The following SMYD3 variants were observed in gnomAD, a reference collection of about 807,000 sequenced individuals.
SMYD3 encodes histone-lysine N-methyltransferase SMYD3.
SMYD3 carries 36 observed loss-of-function variants against 57.7 expected under a neutral mutation model. That is an observed-to-expected ratio of 0.62 (90% CI 0.48 to 0.82). The LOEUF is 0.82. Among genes scored for constraint, SMYD3 ranks in the 40% least tolerant of loss-of-function variants. SMYD3 has a pLI of 0.00. For synonymous variants in SMYD3, 211 were observed against 195.0 expected (o/e 1.08, Z -0.68); for missense variants, 515 against 538.8 (o/e 0.96, Z 0.44).
chr1:245,782,721 T>C (rs1296098126), intron 10 of SMYD3, among the ~76,000 whole-genome samples: 2 of 152,204 alleles, frequency 1.3e-5, no homozygotes, highest in Non-Finnish European at 2.9e-5. Flanking sequence ...AATTTTTAAA[T>C]ACCTATTAAG....
chr1:245,760,320 T>G (rs773339397), intron 11 of SMYD3, among the ~76,000 whole-genome samples: 4 of 152,222 alleles, frequency 2.6e-5, no homozygotes, highest in Non-Finnish European at 5.9e-5. Flanking sequence ...CGTCTGAAGA[T>G]GACATCAGTT....
intron 5 of SMYD3, among the ~76,000 whole-genome samples, chr1:246,240,747 T>C (rs1166025285): frequency 1.3e-5 from 2 of 152,242 alleles, no homozygotes; most frequent in Non-Finnish European, 2.9e-5. Flanking sequence ...TCCACTTGTT[T>C]GTGTCCTCTT....
intron 1 of SMYD3, among the ~76,000 whole-genome samples, chr1:246,412,865 A>AG (rs2067000079): frequency 6.6e-6 from 1 of 152,000 alleles, no homozygotes; most frequent in Non-Finnish European, 1.5e-5. Flanking sequence ...TCTCAAAAAA[A>AG]AAAAAAAAAA....
intron 5 of SMYD3, among the ~76,000 whole-genome samples, chr1:246,098,846 T>A (rs1205343096): frequency 6.6e-6 from 1 of 152,190 alleles, no homozygotes; most frequent in Non-Finnish European, 1.5e-5. Flanking sequence ...ACATTTGTAA[T>A]CCTTTCAGGC....
intron 5 of SMYD3, among the ~76,000 whole-genome samples, chr1:246,219,223 T>C (rs6426284): frequency 0.27 from 40,256 of 151,796 alleles, 6,068 homozygotes; most frequent in East Asian, 0.58. Context: ...CAAAACCACC[T>C]GTGGCCCTAT....
At chr1:246,027,321 T>C (rs1206685942) in intron 5 of SMYD3, among the ~76,000 whole-genome samples, 2 of 152,220 alleles carry the variant, frequency 1.3e-5, no homozygotes, top group Admixed American at 1.3e-4. Flanking sequence ...ACTTTCAGTG[T>C]AGATGAAACC....
intron 5 of SMYD3, among the ~76,000 whole-genome samples, chr1:246,174,365 T>C (rs1308642927): frequency 2.6e-5 from 4 of 152,216 alleles, no homozygotes; most frequent in Non-Finnish European, 5.9e-5. Context: ...TATTATAATA[T>C]TATGGGACCA....
intron 5 of SMYD3, among the ~76,000 whole-genome samples, chr1:245,998,840 T>C (rs1166489137): frequency 6.6e-6 from 1 of 152,168 alleles, no homozygotes; most frequent in Non-Finnish European, 1.5e-5. Flanking sequence ...ATTCTAATAA[T>C]GCTACGGCAC....
chr1:246,060,914 C>A (rs1402576828), intron 5 of SMYD3, among the ~76,000 whole-genome samples: 7 of 152,206 alleles, frequency 4.6e-5, no homozygotes, highest in African/African-American at 1.7e-4. Context: ...ATTTTATTCA[C>A]ATATTCATTC....
In SMYD3 at chr1:246,218,352, G is replaced by A. The variant is rs77666180; in HGVS notation, c.531+108849C>T. ...AAAGTAGTGGCAACAGGCCGGGCGC[G>A]GTGGCTCACGCCTGTAATCCCAGCA... is the stretch of plus-strand genomic sequence containing the variant. On this transcript the variant is annotated intron_variant, in intron 5 of 11. Transcript: ENST00000490107. Among the ~76,000 whole-genome samples, 2,553 of 152,120 alleles carry A rather than the reference G, an allele frequency of 0.017. 220 individuals are homozygous for A. In the East Asian group the frequency reaches 0.24, roughly 14 times the overall value.
At chr1:246,205,656 C>A (rs1211401257) in intron 5 of SMYD3, among the ~76,000 whole-genome samples, 1 of 151,740 alleles carries the variant, frequency 6.6e-6, no homozygotes, top group African/African-American at 2.4e-5. Context: ...CCCGTCTCTA[C>A]TAAAAATACA....
chr1:246,395,334 T>C lies in SMYD3; in HGVS notation c.165-40240A>G, dbSNP rs1029662308. Among the ~76,000 whole-genome samples the C allele has an allele frequency of 5.3e-5, 8 of 152,366 alleles. 1 individual carries two copies. Among genetic ancestry groups the C allele is most frequent in the Admixed American group, 2.6e-4 (4 of 15,298 alleles). ...TTGCTCCATCCTTCAAATGTTTCAA[T>C]GAAATGTTTCAATGCTGTCTGAATA... is the stretch of plus-strand genomic sequence containing the variant. On this transcript the variant is annotated intron_variant, in intron 1 of 11. Coordinates refer to ENST00000490107, the MANE Select transcript of SMYD3 (RefSeq NM_001167740.2).
intron 10 of SMYD3, among the ~76,000 whole-genome samples, chr1:245,765,476 G>T (rs2791380): frequency 3.3e-5 from 5 of 152,010 alleles, no homozygotes; most frequent in Admixed American, 1.3e-4. Context: ...CAATGTTACA[G>T]GACGGAGCAT....
At chr1:246,141,722 C>T (rs190901485) in intron 5 of SMYD3, among the ~76,000 whole-genome samples, 1 of 152,218 alleles carries the variant, frequency 6.6e-6, no homozygotes, top group Admixed American at 6.5e-5. Flanking sequence ...TTAAACAGTC[C>T]AGAATTCATA....
intron 10 of SMYD3, among the ~76,000 whole-genome samples, chr1:245,764,612 C>G (rs914751877): frequency 7.2e-5 from 11 of 152,034 alleles, no homozygotes; most frequent in Admixed American, 2.0e-4. Flanking sequence ...ACCACACCCC[C>G]CTTTTAACCG....
chr1:246,382,305 G>A (rs1401456230), intron 1 of SMYD3, among the ~76,000 whole-genome samples: 3 of 151,890 alleles, frequency 2.0e-5, no homozygotes, highest in African/African-American at 4.8e-5. Context: ...CATGTCAGCC[G>A]CTACAACTCT....
At chr1:245,844,498 A>G (rs2050561488) in intron 10 of SMYD3, among the ~76,000 whole-genome samples, 1 of 152,202 alleles carries the variant, frequency 6.6e-6, no homozygotes, top group South Asian at 2.1e-4. Flanking sequence ...CTAATTGCTT[A>G]TGCAACTCAA....
chr1:245,794,879 C>T (rs2047456068), intron 10 of SMYD3, among the ~76,000 whole-genome samples: 1 of 152,104 alleles, frequency 6.6e-6, no homozygotes, highest in Admixed American at 6.5e-5. Flanking sequence ...CCCCCAATCC[C>T]AGTGGATATT....
chr1:246,039,752 T>C (rs1484358851), intron 5 of SMYD3, among the ~76,000 whole-genome samples: 2 of 152,072 alleles, frequency 1.3e-5, no homozygotes, highest in African/African-American at 4.8e-5. Context: ...AGAAAAGCCG[T>C]GGAGAGGCGT....
Sources: allele counts gnomAD v4.1 joint callset (sites outside exome capture counted in the v4.1 genomes callset), GRCh38; gene constraint gnomAD v4.1.1; transcripts MANE v1.5; gene names NCBI Gene and HGNC (gene_info 2026-07-23, HGNC 2026-07-21).